Variants in ACE observed in about 807,000 individuals in gnomAD.
ACE encodes angiotensin-converting enzyme.
A neutral mutation model predicts 162.3 loss-of-function variants in ACE; 122 were observed. The observed-to-expected ratio is 0.75, with a 90% confidence interval of 0.65 to 0.87. The LOEUF (loss-of-function observed/expected upper bound fraction) is 0.87, where lower values mean the gene tolerates loss of function less well. Among genes scored for constraint, ACE ranks in the 40% least tolerant of loss-of-function variants. The pLI is 0.00. For synonymous variants in ACE, 796 were observed against 720.6 expected (o/e 1.10, Z -1.68); for missense variants, 1,799 against 1,735.1 (o/e 1.04, Z -0.65).
chr17:63,482,364 C>G, intron 7 of ACE, 102 bp from the exon 8 acceptor site: 1 of 1,042,640 alleles, frequency 9.6e-7, no homozygotes, highest in Non-Finnish European at 1.5e-6. Flanking sequence ...CAGGGCAGCT[C>G]CCTCCTCATT....
At position 63,483,734 on chromosome 17, in the gene ACE, C is replaced by T. The variant is rs1037340872; in HGVS notation, c.1587-115C>T. On this transcript the variant is annotated intron_variant, in intron 10 of 24. Coordinates refer to ENST00000290866, the MANE Select transcript of ACE (RefSeq NM_000789.4). Reference sequence around the variant, plus strand: ...GCCTGTCTTGGGTCTCCCTTCTCCCCCAAGATAGCTTCTGGTCCAGCCTCT... The same window carrying T: ...GCCTGTCTTGGGTCTCCCTTCTCCCTCAAGATAGCTTCTGGTCCAGCCTCT... The T allele has an allele frequency of 5.1e-5, 80 of 1,580,124 alleles. 1 individual carries two copies. The South Asian group carries it at 8.4e-4, about 17-fold the overall frequency.
Position 63,494,371 on chromosome 17 carries a change from G to A in ACE, c.3282-1G>A. ...TTCCAACATATATTCCCACTCGACA[G>A]GCTGAAGTACCAGGGCCTCTGCCCC... On this transcript the variant is annotated splice_acceptor_variant, in intron 21 of 24. Transcript: ENST00000290866. LOFTEE classifies it high-confidence loss of function. 6.2e-7 allele frequency: 1 copy of A among 1,613,924 alleles called. No homozygotes were observed. Among genetic ancestry groups the A allele is most frequent in the Non-Finnish European group, 8.5e-7 (1 of 1,179,850 alleles).
Position 63,497,308 on chromosome 17 carries a change from TC to T in ACE, c.3865del (p.His1289ThrfsTer15). The T allele has an allele frequency of 6.5e-7, 1 of 1,549,636 alleles. No homozygotes were observed. The highest frequency in any genetic ancestry group is 8.7e-7 in the Non-Finnish European group (1 of 1,147,882). ...CTCTTCAGCATCCGCCACCGCAGCC[TC>T]CACCGGCACTCCCACGGGCCCCAGT... Reference protein sequence around the residue: ...QRLFSIRHRSLHRHSHGPQFG... With the variant: ...QRLFSIRHRSXHRHSHGPQFG... On this transcript the variant is annotated frameshift_variant, in exon 25 of 25. Coordinates refer to ENST00000290866, the MANE Select transcript of ACE (RefSeq NM_000789.4). LOFTEE classifies it high-confidence loss of function.
Position 63,483,048 on chromosome 17 carries a change from G to A in ACE, c.1362G>A (p.Leu454=). 1.2e-6 allele frequency: 2 copies of A among 1,614,110 alleles called. No individual in the cohort carries two copies. Among genetic ancestry groups the A allele is most frequent in the Non-Finnish European group, 1.7e-6 (2 of 1,180,014 alleles). ...CAACAGAAAGTGACATCAATTACTT[G>A]CTAAAAATGGCACTGGAAAAAATTG... is the stretch of plus-strand genomic sequence containing the variant. ...TNDTESDINY[L]LKMALEKIAF... Residue 454 remains leucine (L), a synonymous_variant, in exon 9 of 25, where the codon TTG becomes TTA. Transcript: ENST00000290866.
intron 21 of ACE, 148 bp from the exon 22 acceptor site, chr17:63,494,224 G>A (rs1049944814): frequency 1.4e-5 from 17 of 1,257,506 alleles, no homozygotes; most frequent in Middle Eastern, 2.0e-4. Flanking sequence ...TGGGGAAAAC[G>A]GGGTGATTGT....
chr17:63,494,108 G>A (rs1305738440), intron 21 of ACE, 42 bp downstream of exon 21: 4 of 1,611,388 alleles, frequency 2.5e-6, no homozygotes, highest in Non-Finnish European at 3.4e-6. Flanking sequence ...GGGGATCTCT[G>A]CGAGTGTCTG....
chr17:63,487,155 G>A, intron 15 of ACE, 82 bp downstream of exon 15: 1 of 1,258,388 alleles, frequency 7.9e-7, no homozygotes, highest in Admixed American at 1.7e-5. Flanking sequence ...AGAGCACAGA[G>A]TTGGGTTCCC....
rs200127371 is a variant in ACE, at chr17:63,479,803, C to T, written c.546C>T (p.Tyr182=). 2.8e-5 allele frequency: 45 copies of T among 1,613,264 alleles called. No homozygotes were observed. Among genetic ancestry groups the T allele is most frequent in the Admixed American group, 2.0e-4 (12 of 60,012 alleles). ...LTNILASSRS[Y]AMLLFAWEGW... Reference sequence around the variant, plus strand: ...ACATCCTGGCTTCCTCGCGAAGCTACGCCATGCTCCTGTTTGCCTGGGAGG... The same window carrying T: ...ACATCCTGGCTTCCTCGCGAAGCTATGCCATGCTCCTGTTTGCCTGGGAGG... Residue 182 remains tyrosine, a synonymous_variant, in exon 4 of 25, where the codon TAC becomes TAT. Transcript: ENST00000290866.
chr17:63,481,574 C>T lies in ACE; in HGVS notation c.954C>T (p.Asn318=), dbSNP rs750747849. The change falls in exon 7 of 25, where the codon AAC becomes AAT. Residue 318 remains asparagine, a synonymous_variant. Coordinates refer to ENST00000290866, the MANE Select transcript of ACE (RefSeq NM_000789.4). ...VTSTMLQQGW[N]ATHMFRVAEE... is the part of the protein sequence containing the mutation. ...CCACACCCCTCCTCCAGGGCTGGAA[C>T]GCCACGCACATGTTCCGGGTGGCAG... 6.2e-6 allele frequency: 10 copies of T among 1,613,874 alleles called. No individual in the cohort carries two copies. Among genetic ancestry groups the T allele is most frequent in the East Asian group, 4.5e-5 (2 of 44,876 alleles).
In ACE at chr17:63,486,580, C is replaced by G. The variant is rs150811476; in HGVS notation, c.2082C>G (p.Ala694=). The change falls in exon 14 of 25, where the codon GCC becomes GCG. Residue 694 remains alanine, a synonymous_variant. Transcript: ENST00000290866. ...KILLQKNMQI[A]NHTLKYGTQA... is the part of the protein sequence containing the mutation. Reference sequence around the variant, plus strand: ...AGCTGCAGAAGAACATGCAAATAGCCAACCACACCCTGAAGTACGGCACCC... The same window carrying G: ...AGCTGCAGAAGAACATGCAAATAGCGAACCACACCCTGAAGTACGGCACCC... 3.8e-4 allele frequency: 609 copies of G among 1,614,116 alleles called. 2 individuals are homozygous for G. Among genetic ancestry groups the G allele is most frequent in the Non-Finnish European group, 4.9e-4 (573 of 1,180,054 alleles).
At chr17:63,494,594 C>T (rs961784653) in intron 22 of ACE, 124 bp downstream of exon 22, 13 of 847,722 alleles carry the variant, frequency 1.5e-5, no homozygotes, top group Admixed American at 8.0e-5. Flanking sequence ...GCCGGCCGCA[C>T]GGTGCAGGTG....
chr17:63,481,532 C>T lies in ACE; in HGVS notation c.946-34C>T, dbSNP rs776904389. The T allele has an allele frequency of 6.2e-6, 10 of 1,611,532 alleles. No homozygotes were observed. In the Admixed American group the frequency reaches 1.5e-4, roughly 24 times the overall value. On this transcript the variant is annotated intron_variant, in intron 6 of 24. Coordinates refer to ENST00000290866, the MANE Select transcript of ACE (RefSeq NM_000789.4). ...CTGTCCCCAGGCCAGCCAGAGTGGG[C>T]TCCCCCTGACCTGGCTCCACACCCC...
chr17:63,480,455 C>A lies in ACE; in HGVS notation c.774C>A (p.Val258=). ...EPLYLNLHAF[V]RRALHRRYGD... ...TCTACCTGAACCTCCATGCCTTCGT[C>A]CGCCGCGCACTGCATCGCCGATACG... The change falls in exon 5 of 25, where the codon GTC becomes GTA. Residue 258 remains valine (V), a synonymous_variant. Transcript: ENST00000290866. The A allele has an allele frequency of 6.2e-7, 1 of 1,614,124 alleles. No individual in the cohort carries two copies. The highest frequency in any genetic ancestry group is 8.5e-7 in the Non-Finnish European group (1 of 1,180,034).
chr17:63,479,765 T>C lies in ACE; in HGVS notation c.512-4T>C, dbSNP rs1007750554. On this transcript the variant is annotated splice_polypyrimidine_tract_variant and splice_region_variant and intron_variant, in intron 3 of 24. Coordinates refer to ENST00000290866, the MANE Select transcript of ACE (RefSeq NM_000789.4). ...CTCACCGACCCTGCCTGCCTGTGTC[T>C]CAGATCTCACCAACATCCTGGCTTC... 1 of 1,613,262 alleles carries C rather than the reference T, an allele frequency of 6.2e-7. No homozygotes were observed. Among genetic ancestry groups the C allele is most frequent in the Non-Finnish European group, 8.5e-7 (1 of 1,180,018 alleles).
rs769040639 is a variant in ACE at position 63,489,148 on chromosome 17, G to A, written c.2641+16G>A. 2.6e-5 allele frequency: 42 copies of A among 1,603,698 alleles called. No individual in the cohort carries two copies. Among genetic ancestry groups the A allele is most frequent in the African/African-American group, 4.0e-5 (3 of 74,898 alleles). On this transcript the variant is annotated intron_variant, in intron 17 of 24. Transcript: ENST00000290866. ...CACCTGCTGGGTAAGGGCACATGTC[G>A]GGCCTTGAGGAGGGTAAAGACGGAC...
rs1802643858 is a variant in ACE, at chr17:63,494,034, G to A, written c.3249G>A (p.Lys1083=). The A allele has an allele frequency of 1.2e-6, 2 of 1,614,166 alleles. No individual in the cohort carries two copies. Among genetic ancestry groups the A allele is most frequent in the East Asian group, 2.2e-5 (1 of 44,878 alleles). The change falls in exon 21 of 25, where the codon AAG becomes AAA. Residue 1083 remains lysine, a synonymous_variant. Transcript: ENST00000290866. Reference sequence around the variant, plus strand: ...GGGTATTTGATGGAAGCATCACCAAGGAGAACTATAACCAGGAGTGGTGGA... The same window carrying A: ...GGGTATTTGATGGAAGCATCACCAAAGAGAACTATAACCAGGAGTGGTGGA... ...RWRVFDGSIT[K]ENYNQEWWSL...
rs759167880 is a variant in ACE, at chr17:63,480,349, C to A, written c.668C>A (p.Thr223Lys). The change falls in exon 5 of 25, where the codon ACG (threonine) becomes AAG (lysine). Residue 223 changes from threonine to lysine, a missense_variant. Thr to Lys is a moderately conservative substitution (Grantham distance 78, BLOSUM62 -1). Transcript: ENST00000290866. ...CCCACGCCCCCAGGCTTCACAGACA[C>A]GGGGGCCTACTGGCGCTCCTGGTAC... ...EAYKQDGFTD[T>K]GAYWRSWYNS... 2.5e-6 allele frequency: 4 copies of A among 1,613,916 alleles called. No individual in the cohort carries two copies. The highest frequency in any genetic ancestry group is 2.5e-6 in the Non-Finnish European group (3 of 1,180,032).
chr17:63,496,046 C>T (rs1461689011), intron 22 of ACE: 1 of 372,602 alleles, frequency 2.7e-6, no homozygotes, highest in Non-Finnish European at 5.1e-6. Flanking sequence ...CACCTTGCCT[C>T]TACTTGCATA....
intron 1 of ACE, chr17:63,477,568 C>G (rs1000979672): frequency 1.1e-4 from 35 of 330,288 alleles, no homozygotes; most frequent in Non-Finnish European, 1.8e-4. Context: ...GCTCCCAGGC[C>G]GCGCCCGCCT....
Sources: allele counts gnomAD v4.1 joint callset, GRCh38; gene constraint gnomAD v4.1.1; transcripts MANE v1.5; gene names NCBI Gene and HGNC (gene_info 2026-07-23, HGNC 2026-07-21).